AKIRIN2: variants seen among roughly 807,000 people sequenced by gnomAD.
The protein encoded by AKIRIN2 is akirin 2, also known as akirin-2.
A neutral mutation model predicts 29.3 loss-of-function variants in AKIRIN2; 6 were observed. That is an observed-to-expected ratio of 0.20 (90% CI 0.11 to 0.40). The LOEUF is 0.40. AKIRIN2 is among the 10% of genes least tolerant of loss of function. AKIRIN2 has a pLI of 1.00. For synonymous variants in AKIRIN2, 128 were observed against 117.5 expected, an observed-to-expected ratio of 1.09 and a Z score of -0.58; for missense variants, 210 against 276.1, an observed-to-expected ratio of 0.76 and a Z score of 1.70.
intron 1 of AKIRIN2, among the ~76,000 whole-genome samples, chr6:87,698,450 CAT>C (rs1771406140): frequency 6.6e-6 from 1 of 150,984 alleles, no homozygotes; most frequent in Non-Finnish European, 1.5e-5. Flanking sequence ...TTGAATTTCA[CAT>C]AATTCTCACG....
intron 4 of AKIRIN2, 97 bp downstream of exon 4, chr6:87,675,763 G>A (rs962720207): frequency 8.9e-6 from 13 of 1,466,624 alleles, no homozygotes; most frequent in African/African-American, 4.2e-5. Flanking sequence ...CAGTAATTTT[G>A]TTGAATTCTC....
intron 1 of AKIRIN2, chr6:87,700,443 C>A (rs1280317266): frequency 6.6e-6 from 1 of 152,182 alleles, no homozygotes; most frequent in African/African-American, 2.4e-5. Flanking sequence ...ATGCTACACA[C>A]AAAGGAAACA....
intron 1 of AKIRIN2, among the ~76,000 whole-genome samples, chr6:87,686,280 C>A (rs756316961): frequency 2.0e-5 from 3 of 152,042 alleles, no homozygotes; most frequent in Non-Finnish European, 4.4e-5. Flanking sequence ...CCACTGATTA[C>A]TTAGGAAATG....
intron 1 of AKIRIN2, chr6:87,700,851 G>A (rs1771448985): frequency 6.5e-6 from 1 of 154,644 alleles, no homozygotes; most frequent in Non-Finnish European, 1.5e-5. Context: ...ACCCTGCTAG[G>A]GAAACAGGTC....
intron 1 of AKIRIN2, among the ~76,000 whole-genome samples, chr6:87,696,872 G>C (rs1771374787): frequency 6.6e-6 from 1 of 151,356 alleles, no homozygotes; most frequent in Admixed American, 6.6e-5. Context: ...CGGGCGTGGT[G>C]GTGTGCGCCT....
intron 1 of AKIRIN2, among the ~76,000 whole-genome samples, chr6:87,693,980 T>C (rs753955968): frequency 2.0e-5 from 3 of 152,186 alleles, no homozygotes; most frequent in East Asian, 3.8e-4. Context: ...CAATCTCCTA[T>C]CATAATTAAA....
chr6:87,691,589 A>G (rs1771279095), intron 1 of AKIRIN2, among the ~76,000 whole-genome samples: 1 of 152,202 alleles, frequency 6.6e-6, no homozygotes, highest in Non-Finnish European at 1.5e-5. Flanking sequence ...TTAGGGAGCT[A>G]TTAAGTGACA....
intron 1 of AKIRIN2, among the ~76,000 whole-genome samples, chr6:87,684,973 A>AT (rs2128301580): frequency 6.6e-6 from 1 of 152,300 alleles, no homozygotes; most frequent in East Asian, 1.9e-4. Context: ...TGATTTTGTC[A>AT]TTTTGCATTC....
intron 2 of AKIRIN2, 26 bp downstream of exon 2, chr6:87,681,594 T>C (rs1771123419): frequency 6.3e-7 from 1 of 1,590,406 alleles, no homozygotes; most frequent in East Asian, 2.2e-5. Context: ...ATAATAAACT[T>C]TGTAAATGAC....
intron 1 of AKIRIN2, among the ~76,000 whole-genome samples, chr6:87,689,235 CTCA>C (rs1771238794): frequency 6.6e-6 from 1 of 152,166 alleles, no homozygotes; most frequent in Non-Finnish European, 1.5e-5. Context: ...GGCGCGGTGG[CTCA>C]TGTCTATGAT....
rs201131832 is a variant in AKIRIN2, at chr6:87,675,623, A to C, written c.602-16T>G. Reference sequence around the variant, plus strand: ...CATGAAACATCTAAAGGGTGAGAAAAAGAAAATTAGTGCAAAATACAGGTC... The same window carrying C: ...CATGAAACATCTAAAGGGTGAGAAACAGAAAATTAGTGCAAAATACAGGTC... On this transcript the variant is annotated splice_polypyrimidine_tract_variant and intron_variant, in intron 4 of 4. Transcript: ENST00000257787. 3.0e-4 allele frequency: 487 copies of C among 1,613,748 alleles called. 3 individuals carry two copies. The Middle Eastern group carries it at 8.2e-3, about 27-fold the overall frequency.
chr6:87,693,458 G>A (rs763515839), intron 1 of AKIRIN2, among the ~76,000 whole-genome samples: 19 of 150,972 alleles, frequency 1.3e-4, no homozygotes, highest in African/African-American at 2.2e-4. Flanking sequence ...GGCCGGGCGC[G>A]GTGGCTCACG....
At chr6:87,700,228 G>C (rs1265726412) in intron 1 of AKIRIN2, among the ~76,000 whole-genome samples, 1 of 149,890 alleles carries the variant, frequency 6.7e-6, no homozygotes, top group Non-Finnish European at 1.5e-5. Context: ...GCATATTCGA[G>C]GGTCACTCCA....
Position 87,701,905 on chromosome 6 carries a change from A to C in AKIRIN2, c.-221T>G. On this transcript the variant is annotated 5_prime_UTR_variant, in exon 1 of 5. Coordinates refer to ENST00000257787, the MANE Select transcript of AKIRIN2 (RefSeq NM_018064.4). ...CAGGGACGGCCCGGGTGAGAGCGGG[A>C]GGGGCGGTGGCGGGCAGAAGCACAC... The C allele has an allele frequency of 2.4e-6, 1 of 410,660 alleles. No individual in the cohort carries two copies. The highest frequency in any genetic ancestry group is 4.3e-6 in the Non-Finnish European group (1 of 232,982). 25.4% of individuals were successfully genotyped at this position (410,660 alleles called of 1,614,324 possible).
intron 1 of AKIRIN2, among the ~76,000 whole-genome samples, chr6:87,690,593 G>A (rs1383871948): frequency 6.6e-6 from 1 of 152,120 alleles, no homozygotes; most frequent in Non-Finnish European, 1.5e-5. Context: ...TTTAAAAAAG[G>A]AAATTCATAT....
rs1654079031 is a variant in AKIRIN2 at position 87,701,441 on chromosome 6, G to A, written c.235+9C>T. 6.5e-7 allele frequency: 1 copy of A among 1,530,922 alleles called. No homozygotes were observed. Among genetic ancestry groups the A allele is most frequent in the Non-Finnish European group, 8.8e-7 (1 of 1,140,898 alleles). The allele number at this position is 1,530,922 out of a possible 1,614,324, so 94.8% of individuals were successfully genotyped here. A position where few individuals can be genotyped will look rare whatever the true frequency, so the allele number is the denominator to read the frequency against. The stretch of plus-strand genomic sequence containing the variant: ...CCACTACCCCGGCGGCCGCGGGGCC[G>A]GGTCCCACCTGTGGTGAGGCGGGAG... On this transcript the variant is annotated intron_variant, in intron 1 of 4. Coordinates refer to ENST00000257787, the MANE Select transcript of AKIRIN2 (RefSeq NM_018064.4).
intron 1 of AKIRIN2, among the ~76,000 whole-genome samples, chr6:87,683,646 AG>A (rs1027740099): frequency 3.3e-5 from 5 of 152,144 alleles, no homozygotes; most frequent in African/African-American, 1.2e-4. Context: ...AACAATCTAA[AG>A]GGTTTTTCTT....
At chr6:87,682,882 A>G (rs946258151) in intron 1 of AKIRIN2, among the ~76,000 whole-genome samples, 16 of 152,138 alleles carry the variant, frequency 1.1e-4, no homozygotes, top group Non-Finnish European at 2.2e-4. Context: ...CTAGAGGCCA[A>G]GAGTTCGAGA....
At chr6:87,690,456 C>T (rs887611361) in intron 1 of AKIRIN2, among the ~76,000 whole-genome samples, 22 of 152,282 alleles carry the variant, frequency 1.4e-4, no homozygotes, top group African/African-American at 5.1e-4. Context: ...AATTCTAAGT[C>T]AGACATACCC....
Sources: gnomAD v4.1 joint callset for allele counts (sites outside exome capture counted in the v4.1 genomes callset) on GRCh38, gnomAD v4.1.1 for gene constraint, MANE v1.5 for transcripts, NCBI Gene and HGNC (gene_info 2026-07-23, HGNC 2026-07-21) for gene names.